LAMA2: variants seen among roughly 807,000 people sequenced by gnomAD.
LAMA2 encodes the protein laminin subunit alpha-2.
A neutral mutation model predicts 364.8 loss-of-function variants in LAMA2; 269 were observed. The observed-to-expected ratio is 0.74, with a 90% confidence interval of 0.67 to 0.82. LAMA2 has a LOEUF of 0.82. Among genes scored for constraint, LAMA2 ranks in the 40% least tolerant of loss-of-function variants. The pLI, the probability that LAMA2 is intolerant of heterozygous loss-of-function variation, is 0.00. For synonymous variants in LAMA2, 1,379 were observed against 1,370.6 expected, an observed-to-expected ratio of 1.01 and a Z score of -0.14; for missense variants, 3,807 against 3,873.2, an observed-to-expected ratio of 0.98 and a Z score of 0.45.
At chr6:129,047,510 G>A (rs1787603589) in intron 1 of LAMA2, among the ~76,000 whole-genome samples, 1 of 152,204 alleles carries the variant, frequency 6.6e-6, no homozygotes, top group South Asian at 2.1e-4. Context: ...GGCCAGATGA[G>A]AGTTGGGGGT....
chr6:128,915,556 C>T (rs1050626574), intron 1 of LAMA2, among the ~76,000 whole-genome samples: 1 of 152,130 alleles, frequency 6.6e-6, no homozygotes, highest in Non-Finnish European at 1.5e-5. Context: ...ACATCGGAAC[C>T]CTTTCTTTTC....
At chr6:128,911,687 A>C (rs1777972277) in intron 1 of LAMA2, among the ~76,000 whole-genome samples, 1 of 152,238 alleles carries the variant, frequency 6.6e-6, no homozygotes, top group African/African-American at 2.4e-5. Flanking sequence ...TCTATAAAAT[A>C]AAGTTTTTTT....
intron 12 of LAMA2, among the ~76,000 whole-genome samples, chr6:129,237,551 G>T (rs1583314655): frequency 6.6e-6 from 1 of 151,968 alleles, no homozygotes; most frequent in Non-Finnish European, 1.5e-5. Context: ...GGCCAGGCTG[G>T]TCTTGAACTC....
intron 3 of LAMA2, among the ~76,000 whole-genome samples, chr6:129,079,407 G>T (rs1448339538): frequency 6.6e-6 from 1 of 152,062 alleles, no homozygotes; most frequent in African/African-American, 2.4e-5. Context: ...ATCCCCTGAG[G>T]ATAAGGAGGG....
chr6:129,087,243 C>T (rs1774437903), intron 3 of LAMA2, among the ~76,000 whole-genome samples: 1 of 152,184 alleles, frequency 6.6e-6, no homozygotes, highest in African/African-American at 2.4e-5. Context: ...CAGTTACTAC[C>T]TGTCTCTTAG....
chr6:129,337,683 T>C (rs553276488), intron 29 of LAMA2, among the ~76,000 whole-genome samples: 1 of 152,248 alleles, frequency 6.6e-6, no homozygotes, highest in East Asian at 1.9e-4. Context: ...ATTAATGTTA[T>C]AGTCATTTGA....
At chr6:129,432,026 G>A (rs1781621170) in intron 41 of LAMA2, among the ~76,000 whole-genome samples, 2 of 152,308 alleles carry the variant, frequency 1.3e-5, no homozygotes, top group Middle Eastern at 3.4e-3. Flanking sequence ...TATTATTAAA[G>A]ATATACTCCT....
At chr6:128,942,911 C>A (rs1347969295) in intron 1 of LAMA2, among the ~76,000 whole-genome samples, 2 of 152,158 alleles carry the variant, frequency 1.3e-5, no homozygotes, top group Admixed American at 1.3e-4. Flanking sequence ...GGCAGTGTGA[C>A]TGCTCCAATC....
intron 1 of LAMA2, among the ~76,000 whole-genome samples, chr6:128,892,654 G>T (rs1252381774): frequency 6.6e-6 from 1 of 151,886 alleles, no homozygotes; most frequent in Non-Finnish European, 1.5e-5. Context: ...ATGGCCTTCA[G>T]TGGAAAGTCT....
intron 4 of LAMA2, among the ~76,000 whole-genome samples, chr6:129,111,161 A>T (rs1052995785): frequency 6.6e-6 from 1 of 151,976 alleles, no homozygotes; most frequent in Non-Finnish European, 1.5e-5. Context: ...TATGAAGTGA[A>T]AACTGGAGAA....
chr6:129,505,978 C>T (rs1187766099), intron 61 of LAMA2, among the ~76,000 whole-genome samples: 2 of 152,064 alleles, frequency 1.3e-5, no homozygotes, highest in Non-Finnish European at 2.9e-5. Context: ...TCTTTTTTAA[C>T]AAAGATTTCT....
chr6:129,440,675 C>T (rs1033967020), intron 42 of LAMA2, 141 bp from the exon 43 acceptor site: 1 of 781,804 alleles, frequency 1.3e-6, no homozygotes, highest in Non-Finnish European at 2.2e-6. Context: ...ATTTGCTACA[C>T]CTGAATGAGA....
At position 129,493,104 on chromosome 6, in the gene LAMA2, G is replaced by A. The variant is rs567899357; in HGVS notation, c.8244+621G>A. On this transcript the variant is annotated intron_variant, in intron 58 of 64. Coordinates refer to ENST00000421865, the MANE Select transcript of LAMA2 (RefSeq NM_000426.4). ...CAGGAGGCGGAGGTTGCAGTGAGCC[G>A]AGATCACGCCACTGTACTCCAGCCT... Among the ~76,000 whole-genome samples the A allele has an allele frequency of 3.9e-5, 6 of 152,138 alleles. 1 individual carries two copies. The highest frequency in any genetic ancestry group is 1.9e-4 in the East Asian group (1 of 5,186).
chr6:129,092,557 CATAACATGGGCAAGAGCACATACT>C (rs1281911639), intron 3 of LAMA2, among the ~76,000 whole-genome samples: 2 of 152,106 alleles, frequency 1.3e-5, no homozygotes, highest in African/African-American at 4.8e-5. Flanking sequence ...TGTTAAAATC[CATAACATGGGCAAGAGCACATACT>C]AGAAAAGTGC....
At chr6:129,247,674 G>C (rs905226383) in intron 12 of LAMA2, among the ~76,000 whole-genome samples, 1 of 152,088 alleles carries the variant, frequency 6.6e-6, no homozygotes, top group Non-Finnish European at 1.5e-5. Context: ...AAACAGCTTC[G>C]CTCATGACAA....
chr6:128,891,680 CAT>C (rs1776458744), intron 1 of LAMA2, among the ~76,000 whole-genome samples: 2 of 152,168 alleles, frequency 1.3e-5, no homozygotes, highest in South Asian at 4.1e-4. Context: ...TCTCCAACAT[CAT>C]GTGGTATACC....
intron 9 of LAMA2, among the ~76,000 whole-genome samples, chr6:129,173,160 C>A (rs1395902522): frequency 6.6e-6 from 1 of 152,222 alleles, no homozygotes; most frequent in Non-Finnish European, 1.5e-5. Flanking sequence ...GAGCTGTAGA[C>A]CGGAGCTGTT....
chr6:129,124,352 C>G (rs752941905), intron 4 of LAMA2, among the ~76,000 whole-genome samples: 1 of 152,190 alleles, frequency 6.6e-6, no homozygotes, highest in Non-Finnish European at 1.5e-5. Context: ...TAGGTTTACT[C>G]ATAGCTTGGG....
At chr6:129,137,668 G>A (rs555444494) in intron 4 of LAMA2, among the ~76,000 whole-genome samples, 1 of 152,166 alleles carries the variant, frequency 6.6e-6, no homozygotes, top group Admixed American at 6.5e-5. Context: ...AGTGATACAT[G>A]CAATGCACAA....
Sources: allele counts gnomAD v4.1 joint callset (sites outside exome capture counted in the v4.1 genomes callset), GRCh38; gene constraint gnomAD v4.1.1; transcripts MANE v1.5; gene names NCBI Gene and HGNC (gene_info 2026-07-23, HGNC 2026-07-21).